PNPLA7: variants seen among roughly 807,000 people sequenced by gnomAD.
The protein encoded by PNPLA7 is patatin like domain 7, lysophospholipase.
In PNPLA7, 153 loss-of-function variants were observed where a neutral mutation model predicts 161.7. The observed-to-expected ratio is 0.95, with a 90% CI of 0.83 to 1.08. PNPLA7 has a LOEUF of 1.08. Ranked by LOEUF, PNPLA7 falls within the 50% of genes least tolerant of loss-of-function variation. PNPLA7 has a pLI of 0.00. For missense variants in PNPLA7, 1,739 were observed against 1,856.6 expected (o/e 0.94, Z 1.16); for synonymous variants, 809 against 782.1 (o/e 1.03, Z -0.57).
intron 1 of PNPLA7, among the ~76,000 whole-genome samples, chr9:137,548,791 G>A (rs1001132229): frequency 1.5e-4 from 23 of 152,148 alleles, no homozygotes; most frequent in South Asian, 1.0e-3. Context: ...ACTCAGAAAC[G>A]CATTTAAAGA....
chr9:137,467,882 A>G lies in PNPLA7; in HGVS notation c.2883-409T>C, dbSNP rs1457585505. 6.6e-6 allele frequency among the ~76,000 whole-genome samples: 1 copy of G among 152,140 alleles called. No individual in the cohort carries two copies. Among genetic ancestry groups the G allele is most frequent in the Admixed American group, 6.5e-5 (1 of 15,272 alleles). On this transcript the variant is annotated intron_variant, in intron 25 of 34. Transcript: ENST00000406427. This position sits in a 1 kb window ranked among gnomAD's most constrained non-coding sequence, Gnocchi z 5.1. ...CACTGCACTCCAGCCTGGGAGACAGAGTGAGACTCTGACTCAAAATAAATA... is the reference window on the plus strand; with the variant it reads ...CACTGCACTCCAGCCTGGGAGACAGGGTGAGACTCTGACTCAAAATAAATA...
At chr9:137,545,848 G>A (rs573593506) in intron 4 of PNPLA7, among the ~76,000 whole-genome samples, 114 of 152,300 alleles carry the variant, frequency 7.5e-4, no homozygotes, top group Non-Finnish European at 1.0e-3. Context: ...CTGGGAAGAT[G>A]CCTGTTGCCA....
chr9:137,547,601 CCTT>C lies in PNPLA7; in HGVS notation c.86_88del (p.Glu29del). 6.2e-7 allele frequency: 1 copy of C among 1,613,228 alleles called. No homozygotes were observed. Among genetic ancestry groups the C allele is most frequent in the Non-Finnish European group, 8.5e-7 (1 of 1,179,850 alleles). On this transcript the variant is annotated inframe_deletion, in exon 2 of 35. Coordinates refer to ENST00000406427, the MANE Select transcript of PNPLA7 (RefSeq NM_001098537.3). The surrounding 1 kb of genome is among the most constrained non-coding windows in gnomAD (Gnocchi z 4.6). ...GGTGATTACCATGGTGGACGGTGAA[CCTT>C]CCTCCGTGAACCACAGTCCCCAAGA...
rs373412309 is a variant in PNPLA7 at position 137,521,710 on chromosome 9, T to C, written c.883A>G (p.Met295Val). Residue 295 changes from methionine (M) to valine (V), a missense_variant, in exon 10 of 35, where the codon ATG (methionine) becomes GTG (valine). This residue lies in a region of PNPLA7 where 152 missense variants were observed against 193.5 expected (regional missense o/e 0.79). Coordinates refer to ENST00000406427, the MANE Select transcript of PNPLA7 (RefSeq NM_001098537.3). ...AAGGTCACCCTCTGCAGCCGCACCA[T>C]GATGATCTGCAAGAACACGCCAGCT... is the stretch of plus-strand genomic sequence containing the variant. ...ETLVRVVQIIMVRLQRVTFLA... is the reference protein window; with the variant it reads ...ETLVRVVQIIVVRLQRVTFLA... 10 of 1,610,308 alleles carry C rather than the reference T, an allele frequency of 6.2e-6. No individual in the cohort carries two copies. Among genetic ancestry groups the C allele is most frequent in the African/African-American group, 1.3e-5 (1 of 74,874 alleles).
intron 8 of PNPLA7, among the ~76,000 whole-genome samples, chr9:137,534,154 T>G (rs1186491548): frequency 7.0e-6 from 1 of 142,942 alleles, no homozygotes; most frequent in Non-Finnish European, 1.5e-5. Context: ...CACAACAGTG[T>G]CCACTCCAGA....
chr9:137,497,073 A>G, intron 18 of PNPLA7, 114 bp downstream of exon 18: 1 of 1,272,356 alleles, frequency 7.9e-7, no homozygotes, highest in Non-Finnish European at 1.0e-6. Flanking sequence ...ACTACCATCC[A>G]CTCCTGGGGC....
In PNPLA7 at chr9:137,501,634, C is replaced by T. The variant is rs572764750; in HGVS notation, c.1551+16G>A. 5 of 1,610,528 alleles carry T rather than the reference C, an allele frequency of 3.1e-6. No individual in the cohort carries two copies. Among genetic ancestry groups the T allele is most frequent in the Admixed American group, 1.7e-5 (1 of 59,756 alleles). On this transcript the variant is annotated intron_variant, in intron 15 of 34. Transcript: ENST00000406427. ...CATTGGGTGGTCCCAGTGCCCCCCC[C>T]CAGACCCCCGCTCACCTGGTCTCCC...
chr9:137,520,713 C>T lies in PNPLA7; in HGVS notation c.958-670G>A, dbSNP rs976640844. Reference sequence around the variant, plus strand: ...CACGAGAGCTCGGCTAGGTGGGGACCGTCCCACGTCCCGGCCAAGTGCCTC... The same window carrying T: ...CACGAGAGCTCGGCTAGGTGGGGACTGTCCCACGTCCCGGCCAAGTGCCTC... On this transcript the variant is annotated intron_variant, in intron 10 of 34. Coordinates refer to ENST00000406427, the MANE Select transcript of PNPLA7 (RefSeq NM_001098537.3). This position sits in a 1 kb window ranked among gnomAD's most constrained non-coding sequence, Gnocchi z 5.2. 6.6e-6 allele frequency among the ~76,000 whole-genome samples: 1 copy of T among 152,212 alleles called. No homozygotes were observed. The highest frequency in any genetic ancestry group is 1.5e-5 in the Non-Finnish European group (1 of 68,032).
rs543479255 is a variant in PNPLA7, at chr9:137,548,347, C to A, written c.31-688G>T. ...CCAGGCAGCCAGGAACCGGATAGGG[C>A]AGGGGAAGCCACTGGTTCAGCCTGA... On this transcript the variant is annotated intron_variant, in intron 1 of 34. Coordinates refer to ENST00000406427, the MANE Select transcript of PNPLA7 (RefSeq NM_001098537.3). Among the ~76,000 whole-genome samples the A allele has an allele frequency of 7.2e-5, 11 of 152,324 alleles. No homozygotes were observed. In the East Asian group the frequency reaches 2.1e-3, roughly 29 times the overall value.
chr9:137,518,235 C>G (rs1588663683), intron 11 of PNPLA7, among the ~76,000 whole-genome samples: 1 of 142,614 alleles, frequency 7.0e-6, no homozygotes, highest in Non-Finnish European at 1.5e-5. Flanking sequence ...TCACTCACTC[C>G]ACTCTGTCCA....
chr9:137,462,739 C>CA lies in PNPLA7; in HGVS notation c.3437dup (p.Ser1147ValfsTer45), dbSNP rs1416851203. On this transcript the variant is annotated frameshift_variant, in exon 30 of 35. Transcript: ENST00000406427. LOFTEE classifies it high-confidence loss of function. ...GTTTCCACAGCAGCCACCACCCAGA[C>CA]AGCGCATCCCCATAGTTGGTGAGGT... 7 of 1,613,904 alleles carry CA rather than the reference C, an allele frequency of 4.3e-6. No individual in the cohort carries two copies. The highest frequency in any genetic ancestry group is 5.9e-6 in the Non-Finnish European group (7 of 1,180,004).
At chr9:137,542,285 A>G (rs778714164) in intron 7 of PNPLA7, among the ~76,000 whole-genome samples, 3 of 152,110 alleles carry the variant, frequency 2.0e-5, no homozygotes, top group Non-Finnish European at 4.4e-5. Flanking sequence ...CCCGGACAAC[A>G]AACTGAGACT....
At chr9:137,471,350 T>C (rs536381842) in intron 25 of PNPLA7, among the ~76,000 whole-genome samples, 106 of 152,236 alleles carry the variant, frequency 7.0e-4, no homozygotes, top group Non-Finnish European at 1.1e-3. Flanking sequence ...CCTGTAATCC[T>C]AGCACTTTGG....
intron 11 of PNPLA7, among the ~76,000 whole-genome samples, chr9:137,517,968 T>C (rs867087899): frequency 8.6e-5 from 4 of 46,600 alleles, no homozygotes; most frequent in Admixed American, 2.4e-4. Context: ...TCCACTCTGC[T>C]CACTCCATCC....
chr9:137,480,674 G>T (rs986846221), intron 22 of PNPLA7, 194 bp from the exon 23 acceptor site: 1 of 753,848 alleles, frequency 1.3e-6, no homozygotes, highest in Non-Finnish European at 2.1e-6. Context: ...CTGCAGTTAA[G>T]CCCAGAGGCT....
At chr9:137,469,005 T>C (rs948938624) in intron 25 of PNPLA7, among the ~76,000 whole-genome samples, 3 of 150,952 alleles carry the variant, frequency 2.0e-5, no homozygotes, top group African/African-American at 7.3e-5. Flanking sequence ...GATCGCACCA[T>C]TGCACTCCAG....
chr9:137,536,934 T>G, intron 8 of PNPLA7, among the ~76,000 whole-genome samples: 1 of 68,258 alleles, frequency 1.5e-5, no homozygotes, highest in South Asian at 4.3e-4. Flanking sequence ...GGGGCCATCC[T>G]CCGAGCCACA....
At chr9:137,479,004 G>A (rs888943162) in intron 24 of PNPLA7, 52 bp downstream of exon 24, 32 of 1,487,742 alleles carry the variant, frequency 2.2e-5, no homozygotes, top group Non-Finnish European at 2.4e-5. Flanking sequence ...TCGAACGTTC[G>A]AGGAAATGAA....
Position 137,494,157 on chromosome 9 carries a change from G to A in PNPLA7, c.2127+876C>T, listed in dbSNP as rs547594368. Among the ~76,000 whole-genome samples the A allele has an allele frequency of 3.6e-4, 55 of 152,306 alleles. 1 individual carries two copies. The South Asian group carries it at 0.011, about 30-fold the overall frequency. ...ATGAAAAACTTCTTGGGATCCGTGT[G>A]CTGGCTGATGAACAACTGCAGACCT... On this transcript the variant is annotated intron_variant, in intron 19 of 34. Coordinates refer to ENST00000406427, the MANE Select transcript of PNPLA7 (RefSeq NM_001098537.3).
Sources: allele counts gnomAD v4.1 joint callset (sites outside exome capture counted in the v4.1 genomes callset), GRCh38; gene constraint gnomAD v4.1.1; regional missense constraint gnomAD v4.1.1; non-coding constraint Gnocchi (gnomAD v3.1); transcripts MANE v1.5; gene names NCBI Gene and HGNC (gene_info 2026-07-23, HGNC 2026-07-21).